RANBP2: variants seen among roughly 807,000 people sequenced by gnomAD.
The protein encoded by RANBP2 is E3 SUMO-protein ligase RanBP2.
Under a neutral mutation model 303.6 loss-of-function variants are expected in RANBP2, and 57 were observed. The ratio of observed to expected loss-of-function variants is 0.19; its 90% CI spans 0.15 to 0.23. The LOEUF (loss-of-function observed/expected upper bound fraction) is 0.23. RANBP2 is among the 10% of genes least tolerant of loss of function. The pLI, the probability that RANBP2 is intolerant of heterozygous loss-of-function variation, is 1.00. For synonymous variants in RANBP2, 1,167 were observed against 1,301.5 expected (o/e 0.90, Z 2.23); for missense variants, 3,138 against 3,780.8 (o/e 0.83, Z 4.46).
In RANBP2 at chr2:108,781,503, CAG is replaced by C. The variant is rs1289102123; in HGVS notation, c.8760+75_8760+76del. On this transcript the variant is annotated intron_variant, in intron 26 of 28. Transcript: ENST00000283195. ...TAAGTTTTACCCTGGCTTGATCTGTCAGGGTATAATTGTTTGCATTTAAGAAT... is the reference window on the plus strand; with the variant it reads ...TAAGTTTTACCCTGGCTTGATCTGTCGGTATAATTGTTTGCATTTAAGAAT... The C allele has an allele frequency of 1.3e-5, 19 of 1,417,894 alleles. No homozygotes were observed. The African/African-American group carries it at 2.5e-4, about 19-fold the overall frequency. The allele number at this position is 1,417,894 out of a possible 1,614,324, so 87.8% of individuals were successfully genotyped here. A position where few individuals can be genotyped will look rare whatever the true frequency, so the allele number is the denominator to read the frequency against.
At chr2:109,457,129 C>G in the RANBP2 span, among the ~76,000 whole-genome samples, 1 of 152,216 alleles carries the variant, frequency 6.6e-6, no homozygotes, top group Non-Finnish European at 1.5e-5. Flanking sequence ...TAGCACCTAC[C>G]ACCCTGAGTT....
the RANBP2 span, among the ~76,000 whole-genome samples, chr2:109,157,595 T>C: frequency 2.0e-5 from 3 of 152,248 alleles, no homozygotes; most frequent in Admixed American, 1.3e-4. Context: ...AAGAAGGAGA[T>C]TGGAACTTGG....
the RANBP2 span, among the ~76,000 whole-genome samples, chr2:109,726,451 A>G: frequency 0.53 from 81,005 of 151,596 alleles, 24,234 homozygotes; most frequent in Non-Finnish European, 0.65. Context: ...GAACAAACAA[A>G]CAAAACAAAA....
chr2:108,859,013 A>G, the RANBP2 span, among the ~76,000 whole-genome samples: 1 of 152,174 alleles, frequency 6.6e-6, no homozygotes, highest in Admixed American at 6.5e-5. Flanking sequence ...TGGTAGAACA[A>G]TTTCATTTCC....
chr2:108,916,759 T>C, the RANBP2 span, among the ~76,000 whole-genome samples: 1 of 152,218 alleles, frequency 6.6e-6, no homozygotes, highest in African/African-American at 2.4e-5. Flanking sequence ...TCTCCAGAGC[T>C]CAGCCTCTCG....
chr2:108,841,595 T>C, the RANBP2 span, among the ~76,000 whole-genome samples: 1 of 152,208 alleles, frequency 6.6e-6, no homozygotes, highest in African/African-American at 2.4e-5. Flanking sequence ...TAAAAATATA[T>C]CTTTTCCCAG....
chr2:109,504,857 A>G, the RANBP2 span, among the ~76,000 whole-genome samples: 1 of 152,214 alleles, frequency 6.6e-6, no homozygotes, highest in African/African-American at 2.4e-5. Context: ...TACCCAGCAC[A>G]TGCCAGAGAC....
At chr2:109,658,550 G>A in the RANBP2 span, among the ~76,000 whole-genome samples, 12 of 152,310 alleles carry the variant, frequency 7.9e-5, no homozygotes, top group Middle Eastern at 6.8e-3. Context: ...AGGTTGACTC[G>A]TGGGAAAGGA....
At chr2:109,272,498 A>G in the RANBP2 span, among the ~76,000 whole-genome samples, 1 of 152,158 alleles carries the variant, frequency 6.6e-6, no homozygotes, top group Non-Finnish European at 1.5e-5. Context: ...CTTCGCCTCT[A>G]ACTGTGTGCT....
At chr2:109,171,115 C>T in the RANBP2 span, among the ~76,000 whole-genome samples, 3 of 152,192 alleles carry the variant, frequency 2.0e-5, no homozygotes, top group South Asian at 6.2e-4. Flanking sequence ...ATCTCTTCCT[C>T]AGTAATCTGC....
At chr2:108,807,834 T>G in the RANBP2 span, among the ~76,000 whole-genome samples, 1 of 152,158 alleles carries the variant, frequency 6.6e-6, no homozygotes, top group Non-Finnish European at 1.5e-5. Context: ...GCCAGGGTGG[T>G]CTCAAACCAA....
At chr2:108,827,289 C>T in the RANBP2 span, among the ~76,000 whole-genome samples, 2 of 152,114 alleles carry the variant, frequency 1.3e-5, no homozygotes, top group Middle Eastern at 3.2e-3. Context: ...AGCAAAAAAT[C>T]TTCCAAATAC....
At chr2:109,632,051 T>A in the RANBP2 span, among the ~76,000 whole-genome samples, 1 of 152,042 alleles carries the variant, frequency 6.6e-6, no homozygotes, top group Non-Finnish European at 1.5e-5. Context: ...GTTCAGTAGT[T>A]TAATCACTTG....
chr2:108,843,841 G>GTTTTTTTT, the RANBP2 span, among the ~76,000 whole-genome samples: 1 of 81,784 alleles, frequency 1.2e-5, no homozygotes. Context: ...TCAAGTTCAT[G>GTTTTTTTT]TTTTGTGTGT....
the RANBP2 span, among the ~76,000 whole-genome samples, chr2:109,406,855 AAT>A: frequency 6.6e-6 from 1 of 151,952 alleles, no homozygotes; most frequent in Non-Finnish European, 1.5e-5. Flanking sequence ...GGTCGAAGCC[AAT>A]CTTACAGCCC....
the RANBP2 span, among the ~76,000 whole-genome samples, chr2:109,630,258 G>A: frequency 1.2e-4 from 19 of 152,214 alleles, no homozygotes; most frequent in South Asian, 3.9e-3. Flanking sequence ...CCAATTCTTG[G>A]AGATAAGAAA....
the RANBP2 span, among the ~76,000 whole-genome samples, chr2:109,629,347 ATATATATATTTTT>A: frequency 9.5e-4 from 6 of 6,312 alleles, no homozygotes; most frequent in African/African-American, 3.5e-3. Flanking sequence ...ATATATATAT[ATATATATATTTTT>A]TTTTTTTTTT....
the RANBP2 span, among the ~76,000 whole-genome samples, chr2:109,193,328 A>G: frequency 6.6e-6 from 1 of 152,186 alleles, no homozygotes; most frequent in African/African-American, 2.4e-5. Context: ...TCATCCATTC[A>G]AAGTGTACAA....
chr2:109,653,676 G>A, the RANBP2 span, among the ~76,000 whole-genome samples: 2 of 152,146 alleles, frequency 1.3e-5, no homozygotes, highest in African/African-American at 2.4e-5. Flanking sequence ...GTGGGTAAGC[G>A]GGTCACACAA....
Sources: gnomAD v4.1 joint callset for allele counts (sites outside exome capture counted in the v4.1 genomes callset) on GRCh38, gnomAD v4.1.1 for gene constraint, MANE v1.5 for transcripts, NCBI Gene and HGNC (gene_info 2026-07-23, HGNC 2026-07-21) for gene names.